The following FAT1 variants were observed in gnomAD, a reference collection of about 807,000 sequenced individuals.
The protein encoded by FAT1 is protocadherin Fat 1.
A neutral mutation model predicts 329.8 loss-of-function variants in FAT1; 171 were observed. That is an observed-to-expected ratio of 0.52 (90% confidence interval 0.46 to 0.59). The LOEUF is 0.59. FAT1 is among the 20% of genes least tolerant of loss of function. The pLI, the probability that FAT1 is intolerant of heterozygous loss-of-function variation, is 0.00. For missense variants in FAT1, 5,672 were observed against 5,774.4 expected (o/e 0.98, Z 0.57); for synonymous variants, 2,233 against 2,228.6 (o/e 1.00, Z -0.06).
rs2126346206 is a variant in FAT1 at position 186,588,581 on chromosome 4, G to A, written c.*11C>T. 1.2e-6 allele frequency: 2 copies of A among 1,601,936 alleles called. No individual in the cohort carries two copies. Among genetic ancestry groups the A allele is most frequent in the Non-Finnish European group, 1.7e-6 (2 of 1,174,020 alleles). Reference sequence around the variant, plus strand: ...TTCACTAAAGTCAGGCACTTTGGGGGGAGTTGAGAGTCAGACTTCCGTGTG... The same window carrying A: ...TTCACTAAAGTCAGGCACTTTGGGGAGAGTTGAGAGTCAGACTTCCGTGTG... On this transcript the variant is annotated 3_prime_UTR_variant, in exon 27 of 27. Coordinates refer to ENST00000441802, the MANE Select transcript of FAT1 (RefSeq NM_005245.4).
intron 26 of FAT1, among the ~76,000 whole-genome samples, chr4:186,590,070 G>A (rs563515219): frequency 6.6e-6 from 1 of 151,802 alleles, no homozygotes; most frequent in African/African-American, 2.4e-5. Context: ...ATCAATCTGT[G>A]TTACTTCCAA....
In FAT1 at chr4:186,707,691, T is replaced by G. The variant is rs186269409; in HGVS notation, c.2137A>C (p.Ile713Leu). Residue 713 changes from isoleucine (I) to leucine (L), a missense_variant, in exon 2 of 27, where the codon ATA becomes CTA. Around this residue, in one of 2 missense-constraint regions of FAT1, gnomAD observed 3,966 missense variants for 3,915.2 expected, o/e 1.01. Transcript: ENST00000441802. ...FFDSHSVNAH[I>L]PQFRSTLPTG... is the part of the protein sequence containing the mutation. Reference sequence around the variant, plus strand: ...GGAAGAGTGCTTCTAAACTGCGGTATGTGAGCATTGACAGAGTGAGAATCG... The same window carrying G: ...GGAAGAGTGCTTCTAAACTGCGGTAGGTGAGCATTGACAGAGTGAGAATCG... 1.2e-4 allele frequency: 199 copies of G among 1,613,980 alleles called. No homozygotes were observed. The African/African-American group carries it at 2.5e-3, about 20-fold the overall frequency.
At chr4:186,606,932 G>T (rs552459493) in intron 16 of FAT1, among the ~76,000 whole-genome samples, 1 of 152,202 alleles carries the variant, frequency 6.6e-6, no homozygotes, top group Non-Finnish European at 1.5e-5. Context: ...TTCTGCTGGC[G>T]CATTAGCTTG....
chr4:186,625,677 T>G (rs1197138541), intron 9 of FAT1, among the ~76,000 whole-genome samples: 2 of 152,268 alleles, frequency 1.3e-5, no homozygotes, highest in Non-Finnish European at 2.9e-5. Flanking sequence ...TTCCTTGTAC[T>G]AACAATGGCA....
Position 186,619,149 on chromosome 4 carries a change from A to G in FAT1, c.7437T>C (p.His2479=), listed in dbSNP as rs2126502675. The G allele has an allele frequency of 6.2e-7, 1 of 1,613,996 alleles. No individual in the cohort carries two copies. Among genetic ancestry groups the G allele is most frequent in the Non-Finnish European group, 8.5e-7 (1 of 1,179,896 alleles). ...DGVFRSSTQV[H]VTVIGGNLHS... is the part of the protein sequence containing the mutation. ...GCAAATTGCCTCCAATTACAGTTAC[A>G]TGAACCTGGGTGGAACTTCTAAAAA... is the stretch of plus-strand genomic sequence containing the variant. The change falls in exon 10 of 27, where the codon CAT becomes CAC. Residue 2479 remains histidine, a synonymous_variant. Coordinates refer to ENST00000441802, the MANE Select transcript of FAT1 (RefSeq NM_005245.4).
Position 186,636,091 on chromosome 4 carries a change from C to G in FAT1, c.4117G>C (p.Val1373Leu), listed in dbSNP as rs772458984. The change falls in exon 6 of 27, where the codon GTT becomes CTT. Residue 1373 changes from valine to leucine, a missense_variant. Around this residue, in one of 2 missense-constraint regions of FAT1, gnomAD observed 3,966 missense variants for 3,915.2 expected, o/e 1.01. Transcript: ENST00000441802. ...GATATTACTCCAATCATGTGAGCAA[C>G]GGGGTCACTTTCCATCACAGTAAAG... is the stretch of plus-strand genomic sequence containing the variant. ...FTFTVMESDP[V>L]AHMIGVISVE... The G allele has an allele frequency of 1.2e-6, 2 of 1,613,794 alleles. No homozygotes were observed. The highest frequency in any genetic ancestry group is 2.7e-5 in the African/African-American group (2 of 74,908).
Position 186,614,234 on chromosome 4 carries a change from T to C in FAT1, c.9186A>G (p.Leu3062=). 1.2e-6 allele frequency: 2 copies of C among 1,601,520 alleles called. No individual in the cohort carries two copies. Among genetic ancestry groups the C allele is most frequent in the South Asian group, 1.1e-5 (1 of 87,928 alleles). Residue 3062 remains leucine (L), a synonymous_variant, in exon 12 of 27, where the codon TTA becomes TTG. Transcript: ENST00000441802. Reference sequence around the variant, plus strand: ...TGAATTTTTCTGCACCTGAACCCAATAACGTGTAAGTAATTTCAGCGTTAG... The same window carrying C: ...TGAATTTTTCTGCACCTGAACCCAACAACGTGTAAGTAATTTCAGCGTTAG... ...IRSNAEITYT[L]LGSGAEKFKL...
intron 2 of FAT1, among the ~76,000 whole-genome samples, chr4:186,674,095 A>G (rs1212850645): frequency 1.3e-5 from 2 of 152,120 alleles, no homozygotes; most frequent in African/African-American, 2.4e-5. Flanking sequence ...AGTGTTGATT[A>G]CTCTTCTCCC....
chr4:186,692,159 C>A (rs78847742), intron 2 of FAT1, among the ~76,000 whole-genome samples: 3,626 of 152,230 alleles, frequency 0.024, 99 homozygotes, highest in East Asian at 0.091. Flanking sequence ...TACAGTTACA[C>A]GTTTCTATTT....
chr4:186,601,209 A>C, intron 21 of FAT1, 60 bp downstream of exon 21: 2 of 1,425,668 alleles, frequency 1.4e-6, no homozygotes, highest in Non-Finnish European at 1.9e-6. Context: ...ATCTGAATAT[A>C]AAATGAAATT....
chr4:186,692,850 T>G (rs1384615728), intron 2 of FAT1, among the ~76,000 whole-genome samples: 1 of 152,194 alleles, frequency 6.6e-6, no homozygotes, highest in African/African-American at 2.4e-5. Flanking sequence ...AACGAACATC[T>G]GCAGGCCAAA....
intron 2 of FAT1, among the ~76,000 whole-genome samples, chr4:186,704,018 G>C (rs990011291): frequency 3.3e-5 from 5 of 152,186 alleles, no homozygotes; most frequent in Non-Finnish European, 7.3e-5. Flanking sequence ...AATGTATCTT[G>C]TAATGAATAC....
intron 16 of FAT1, among the ~76,000 whole-genome samples, chr4:186,607,527 G>A (rs941322656): frequency 6.6e-6 from 1 of 151,862 alleles, no homozygotes. Context: ...AGATGGACAG[G>A]TGGGTAGGTG....
At chr4:186,605,813 G>C (rs936542915) in intron 17 of FAT1, among the ~76,000 whole-genome samples, 28 of 152,034 alleles carry the variant, frequency 1.8e-4, no homozygotes, top group African/African-American at 6.8e-4. Context: ...AGTGGCAGCA[G>C]GTCTGATTAA....
In FAT1 at chr4:186,609,243, C is replaced by T. The variant is rs372358822; in HGVS notation, c.10146G>A (p.Ser3382=). ...CTCCCCTGACGGGGTCAATTGTGAA[C>T]GAGCTTCCTTGGTTGCCATCTATAA... is the stretch of plus-strand genomic sequence containing the variant. ...YSIIDGNQGS[S]FTIDPVRGEV... is the part of the protein sequence containing the mutation. Residue 3382 remains serine (S), a synonymous_variant, in exon 16 of 27, where the codon TCG becomes TCA. Coordinates refer to ENST00000441802, the MANE Select transcript of FAT1 (RefSeq NM_005245.4). 4.8e-5 allele frequency: 77 copies of T among 1,613,892 alleles called. No homozygotes were observed. Among genetic ancestry groups the T allele is most frequent in the East Asian group, 2.7e-4 (12 of 44,902 alleles).
intron 2 of FAT1, among the ~76,000 whole-genome samples, chr4:186,700,136 G>A (rs757932586): frequency 1.2e-4 from 18 of 152,168 alleles, no homozygotes; most frequent in Non-Finnish European, 2.4e-4. Flanking sequence ...GAGAACGATG[G>A]CCTCATGTAA....
At position 186,636,204 on chromosome 4, in the gene FAT1, T is replaced by G; in HGVS notation, c.4004A>C (p.Lys1335Thr). Reference protein sequence around the residue: ...IKAVDNGRPQKSSTTRLHIEW... With the variant: ...IKAVDNGRPQTSSTTRLHIEW... Reference sequence around the variant, plus strand: ...AATATGGAGTCTGGTGGTTGATGACTTTTGAGGGCGACCATTGTCAACTGC... The same window carrying G: ...AATATGGAGTCTGGTGGTTGATGACGTTTGAGGGCGACCATTGTCAACTGC... The change falls in exon 6 of 27, where the codon AAG (lysine) becomes ACG (threonine). Residue 1335 changes from lysine (K) to threonine (T), a missense_variant. Coordinates refer to ENST00000441802, the MANE Select transcript of FAT1 (RefSeq NM_005245.4). 6.2e-7 allele frequency: 1 copy of G among 1,614,024 alleles called. No individual in the cohort carries two copies. The highest frequency in any genetic ancestry group is 1.7e-5 in the Admixed American group (1 of 60,022).
At chr4:186,643,163 G>A (rs1326501074) in intron 3 of FAT1, among the ~76,000 whole-genome samples, 1 of 152,090 alleles carries the variant, frequency 6.6e-6, no homozygotes, top group East Asian at 1.9e-4. Context: ...AATTTCCAGG[G>A]TACGGCAGCC....
chr4:186,709,322 G>T lies in FAT1; in HGVS notation c.506C>A (p.Ala169Glu), dbSNP rs771825808. ...GTCTGCATCCGTGGCGCTGACTCTT[G>T]CGATACTGGTCCTTATAGCTGTGTT... is the stretch of plus-strand genomic sequence containing the variant. ...PENTAIRTSI[A>E]RVSATDADIG... Residue 169 changes from alanine to glutamate, a missense_variant, in exon 2 of 27, where the codon GCA (alanine) becomes GAA (glutamate). By Grantham distance (107) the Ala-to-Glu change is moderately radical (BLOSUM62 -1). Around this residue, in one of 2 missense-constraint regions of FAT1, gnomAD observed 3,966 missense variants for 3,915.2 expected, o/e 1.01. Transcript: ENST00000441802. 3 of 1,613,936 alleles carry T rather than the reference G, an allele frequency of 1.9e-6. No homozygotes were observed. The South Asian group carries it at 3.3e-5, about 18-fold the overall frequency.
Sources: gnomAD v4.1 joint callset for allele counts (sites outside exome capture counted in the v4.1 genomes callset) on GRCh38, gnomAD v4.1.1 for gene constraint, gnomAD v4.1.1 regional missense constraint, MANE v1.5 for transcripts, NCBI Gene and HGNC (gene_info 2026-07-23, HGNC 2026-07-21) for gene names.